Variants in CDYL2 observed in about 807,000 individuals in gnomAD.
CDYL2 encodes the protein chromodomain Y-like protein 2.
A neutral mutation model predicts 49.4 loss-of-function variants in CDYL2; 23 were observed. The observed-to-expected ratio is 0.47, with a 90% CI of 0.34 to 0.66. The LOEUF (loss-of-function observed/expected upper bound fraction) is 0.66. Among genes scored for constraint, CDYL2 ranks in the 30% least tolerant of loss-of-function variants. The probability of loss-of-function intolerance (pLI) is 0.01; values close to 1 mark genes in which losing one functional copy is unlikely to be tolerated. For missense variants in CDYL2, 678 were observed against 656.4 expected (o/e 1.03, Z -0.36); for synonymous variants, 360 against 268.8 (o/e 1.34, Z -3.32).
At chr16:80,680,504 T>C (rs375453639) in intron 2 of CDYL2, among the ~76,000 whole-genome samples, 19 of 152,284 alleles carry the variant, frequency 1.2e-4, no homozygotes, top group South Asian at 1.2e-3. Flanking sequence ...CACTGATGCT[T>C]TGGCCTGTTT....
intron 2 of CDYL2, 88 bp from the exon 3 acceptor site, chr16:80,633,324 G>T: frequency 1.5e-6 from 2 of 1,354,656 alleles, no homozygotes; most frequent in South Asian, 2.6e-5. Context: ...ATTTCCAATG[G>T]AAAGGTTTGG....
chr16:80,758,961 A>G (rs886485075), intron 1 of CDYL2, among the ~76,000 whole-genome samples: 7 of 151,746 alleles, frequency 4.6e-5, no homozygotes, highest in Non-Finnish European at 7.4e-5. Flanking sequence ...CCAGACATTA[A>G]GAATTTTGGT....
rs1315801208 is a variant in CDYL2, at chr16:80,598,037, G to C, written c.*6351C>G. The stretch of plus-strand genomic sequence containing the variant: ...CACGTTACAGGACCATTCACAAAGA[G>C]AGTGTACAATTTGCTCTAGACAGTC... On this transcript the variant is annotated 3_prime_UTR_variant, in exon 7 of 7. Coordinates refer to ENST00000570137, the MANE Select transcript of CDYL2 (RefSeq NM_152342.4). 6 of 152,212 alleles carry C rather than the reference G, an allele frequency of 3.9e-5. No homozygotes were observed. Among genetic ancestry groups the C allele is most frequent in the Non-Finnish European group, 8.8e-5 (6 of 68,036 alleles). The allele number at this position is 152,212 out of a possible 1,614,324, so 9.4% of individuals were successfully genotyped here. A position where few individuals can be genotyped will look rare whatever the true frequency, so the allele number is the denominator to read the frequency against.
intron 2 of CDYL2, among the ~76,000 whole-genome samples, chr16:80,683,179 C>T (rs912171872): frequency 3.3e-5 from 5 of 152,256 alleles, no homozygotes; most frequent in Admixed American, 6.5e-5. Context: ...GGTCTCCACA[C>T]GCACCCTGGT....
At chr16:80,654,212 C>T (rs966117464) in intron 2 of CDYL2, among the ~76,000 whole-genome samples, 1 of 152,172 alleles carries the variant, frequency 6.6e-6, no homozygotes, top group African/African-American at 2.4e-5. Flanking sequence ...ACTACAGAGA[C>T]TGAGACTCCG....
chr16:80,707,986 G>A (rs1310495575), intron 1 of CDYL2, among the ~76,000 whole-genome samples: 2 of 152,130 alleles, frequency 1.3e-5, no homozygotes, highest in Admixed American at 6.6e-5. Flanking sequence ...AGAAAGGCAG[G>A]ATGCTATTTC....
At chr16:80,623,997 C>G (rs145485306) in intron 3 of CDYL2, among the ~76,000 whole-genome samples, 2 of 152,194 alleles carry the variant, frequency 1.3e-5, no homozygotes, top group Non-Finnish European at 2.9e-5. Context: ...ATGCTACGTT[C>G]TGAGGCCCAA....
intron 1 of CDYL2, among the ~76,000 whole-genome samples, chr16:80,722,737 GC>G (rs1360887629): frequency 1.3e-5 from 2 of 152,148 alleles, no homozygotes; most frequent in Non-Finnish European, 2.9e-5. Flanking sequence ...TTTGTACAGG[GC>G]TAGGAGCTGG....
In CDYL2 at chr16:80,612,760, C is replaced by A. The variant is rs1319765346; in HGVS notation, c.1084G>T (p.Ala362Ser). 1.2e-6 allele frequency: 2 copies of A among 1,613,800 alleles called. No individual in the cohort carries two copies. The highest frequency in any genetic ancestry group is 1.7e-6 in the Non-Finnish European group (2 of 1,179,998). Residue 362 changes from alanine to serine, a missense_variant, in exon 5 of 7, where the codon GCC (alanine) becomes TCC (serine). Ala to Ser is a moderately conservative substitution (Grantham distance 99). Transcript: ENST00000570137. The surrounding 1 kb of genome is among the most constrained non-coding windows in gnomAD (Gnocchi z 5.0). ...AINGPALGLG[A>S]SILPLCDIVW... ...ATGTCACAGAGGGGCAGGATGGAGG[C>A]ACCCAGGCCCAGGGCCGGCCCATTG...
At chr16:80,781,539 A>C (rs1381355028) in intron 1 of CDYL2, among the ~76,000 whole-genome samples, 3 of 152,172 alleles carry the variant, frequency 2.0e-5, no homozygotes, top group Non-Finnish European at 2.9e-5. Flanking sequence ...ATTAGACCTA[A>C]CAGATACATA....
At chr16:80,763,667 C>G (rs1157129391) in intron 1 of CDYL2, among the ~76,000 whole-genome samples, 1 of 151,992 alleles carries the variant, frequency 6.6e-6, no homozygotes, top group African/African-American at 2.4e-5. Flanking sequence ...AAAACAAAGA[C>G]TAAGAGAGGA....
chr16:80,773,915 A>G (rs1906993110), intron 1 of CDYL2, among the ~76,000 whole-genome samples: 1 of 152,120 alleles, frequency 6.6e-6, no homozygotes. Context: ...AATAATAAAG[A>G]TAAGAGCCTC....
At chr16:80,660,030 A>G (rs757468258) in intron 2 of CDYL2, among the ~76,000 whole-genome samples, 2 of 152,152 alleles carry the variant, frequency 1.3e-5, no homozygotes, top group Non-Finnish European at 1.5e-5. Context: ...GCTTGAAAAA[A>G]TGAGCTACTA....
chr16:80,612,018 C>T lies in CDYL2; in HGVS notation c.1218+608G>A, dbSNP rs1012866439. Among the ~76,000 whole-genome samples, 1 of 152,210 alleles carries T rather than the reference C, an allele frequency of 6.6e-6. No individual in the cohort carries two copies. On this transcript the variant is annotated intron_variant, in intron 5 of 6. Coordinates refer to ENST00000570137, the MANE Select transcript of CDYL2 (RefSeq NM_152342.4). The surrounding 1 kb of genome is among the most constrained non-coding windows in gnomAD (Gnocchi z 5.0). ...CATGGGGTGGAGACTGCTTTGTGTC[C>T]ACTGAATCCTTTCCCTCTTCTTGCT...
intron 1 of CDYL2, among the ~76,000 whole-genome samples, chr16:80,803,709 C>T (rs868294791): frequency 1.2e-3 from 175 of 143,096 alleles, no homozygotes; most frequent in African/African-American, 3.9e-3. Context: ...GCGCAACCCC[C>T]GCCCCACACC....
chr16:80,628,875 C>A (rs998008733), intron 3 of CDYL2, among the ~76,000 whole-genome samples: 20 of 152,152 alleles, frequency 1.3e-4, no homozygotes, highest in Non-Finnish European at 2.5e-4. Flanking sequence ...AACAAGTCAC[C>A]CCACAAATAC....
At chr16:80,635,432 C>T (rs1434952353) in intron 2 of CDYL2, among the ~76,000 whole-genome samples, 49 of 152,014 alleles carry the variant, frequency 3.2e-4, no homozygotes, top group Admixed American at 3.2e-3. Context: ...AACAGACAGC[C>T]AGCCAAATCA....
intron 1 of CDYL2, among the ~76,000 whole-genome samples, chr16:80,744,012 C>T (rs1331784416): frequency 6.6e-6 from 1 of 151,954 alleles, no homozygotes; most frequent in African/African-American, 2.4e-5. Context: ...GTCATATAGA[C>T]ACCTGATACT....
intron 1 of CDYL2, among the ~76,000 whole-genome samples, chr16:80,803,416 C>T (rs984793327): frequency 2.7e-4 from 41 of 152,298 alleles, no homozygotes; most frequent in African/African-American, 8.9e-4. Flanking sequence ...TCTCCTCCCA[C>T]CCAGGGCCCT....
Sources: gnomAD v4.1 joint callset for allele counts (sites outside exome capture counted in the v4.1 genomes callset) on GRCh38, gnomAD v4.1.1 for gene constraint, Gnocchi (gnomAD v3.1) non-coding constraint, MANE v1.5 for transcripts, NCBI Gene and HGNC (gene_info 2026-07-23, HGNC 2026-07-21) for gene names.